The following RBFOX1 variants were observed in gnomAD, a reference collection of about 807,000 sequenced individuals.
RBFOX1 encodes RNA binding protein fox-1 homolog 1.
Under a neutral mutation model 57.7 loss-of-function variants are expected in RBFOX1, and 8 were observed. The ratio of observed to expected loss-of-function variants is 0.14; its 90% confidence interval spans 0.08 to 0.25. RBFOX1 has a LOEUF of 0.25. Among genes scored for constraint, RBFOX1 ranks in the 10% least tolerant of loss-of-function variants. The probability of loss-of-function intolerance (pLI) is 1.00; values close to 1 mark genes in which losing one functional copy is unlikely to be tolerated. For synonymous variants in RBFOX1, 326 were observed against 222.4 expected (o/e 1.47, Z -4.15); for missense variants, 611 against 548.5 (o/e 1.11, Z -1.14).
chr16:7,438,313 G>C (rs1171962101), intron 4 of RBFOX1, among the ~76,000 whole-genome samples: 1 of 152,158 alleles, frequency 6.6e-6, no homozygotes, highest in African/African-American at 2.4e-5. Flanking sequence ...GTGGATGTGA[G>C]GGGGTAAAGA....
intron 2 of RBFOX1, among the ~76,000 whole-genome samples, chr16:6,409,215 A>G (rs1257692729): frequency 6.6e-6 from 1 of 152,142 alleles, no homozygotes; most frequent in Non-Finnish European, 1.5e-5. Flanking sequence ...GGAGTTTGAG[A>G]CCAGTCTGGC....
At chr16:6,940,217 A>G (rs114204243) in intron 3 of RBFOX1, among the ~76,000 whole-genome samples, 1 of 152,020 alleles carries the variant, frequency 6.6e-6, no homozygotes, top group Non-Finnish European at 1.5e-5. Flanking sequence ...TAAATAAATA[A>G]ATAGGTACAG....
chr16:7,312,142 G>A (rs891214755), intron 4 of RBFOX1, among the ~76,000 whole-genome samples: 19 of 152,224 alleles, frequency 1.2e-4, no homozygotes, highest in African/African-American at 4.3e-4. Context: ...CACTTTAGGA[G>A]GCAGAGGCAG....
intron 3 of RBFOX1, among the ~76,000 whole-genome samples, chr16:5,822,491 C>T (rs1012812998): frequency 1.3e-5 from 2 of 152,036 alleles, no homozygotes; most frequent in African/African-American, 4.8e-5. Context: ...AGTGGGTTCT[C>T]ACTAATAATA....
At chr16:5,800,708 A>G (rs1207898824) in intron 3 of RBFOX1, among the ~76,000 whole-genome samples, 2 of 152,276 alleles carry the variant, frequency 1.3e-5, no homozygotes, top group East Asian at 3.9e-4. Context: ...TGCAGTCATT[A>G]TTACAGAGAG....
chr16:5,837,098 C>T (rs1261088526), intron 3 of RBFOX1, among the ~76,000 whole-genome samples: 1 of 152,110 alleles, frequency 6.6e-6, no homozygotes, highest in Non-Finnish European at 1.5e-5. Flanking sequence ...ATTCATAATT[C>T]TAGCCTCCTT....
chr16:5,327,801 T>C (rs946252985), intron 1 of RBFOX1, among the ~76,000 whole-genome samples: 1 of 152,222 alleles, frequency 6.6e-6, no homozygotes, highest in African/African-American at 2.4e-5. Flanking sequence ...ATTTTCCTGT[T>C]AGTACCCCTT....
At chr16:5,836,759 G>A (rs148905313) in intron 3 of RBFOX1, among the ~76,000 whole-genome samples, 9 of 152,242 alleles carry the variant, frequency 5.9e-5, no homozygotes, top group African/African-American at 1.7e-4. Flanking sequence ...CCCTCCTCAC[G>A]CCCAGTTGTG....
chr16:7,477,229 A>T (rs2062919389), intron 4 of RBFOX1, among the ~76,000 whole-genome samples: 2 of 152,222 alleles, frequency 1.3e-5, no homozygotes, highest in Admixed American at 1.3e-4. Flanking sequence ...TCAGGGTAGA[A>T]ATAAGACATC....
intron 1 of RBFOX1, among the ~76,000 whole-genome samples, chr16:5,426,717 C>G (rs1471401446): frequency 6.6e-6 from 1 of 152,132 alleles, no homozygotes; most frequent in Non-Finnish European, 1.5e-5. Flanking sequence ...TGTTATCGCT[C>G]CAGGGAAGAG....
At chr16:5,872,137 C>T (rs895305630) in intron 4 of RBFOX1, among the ~76,000 whole-genome samples, 20 of 152,138 alleles carry the variant, frequency 1.3e-4, no homozygotes, top group African/African-American at 4.3e-4. Flanking sequence ...GACACCAGTG[C>T]GTTTGAGAAA....
intron 3 of RBFOX1, chr16:6,773,886 A>G (rs2078883879): frequency 3.3e-6 from 3 of 908,540 alleles, no homozygotes; most frequent in Non-Finnish European, 3.9e-6. Context: ...GTCTGTGTGT[A>G]TTTGTGTGGG....
At position 6,859,149 on chromosome 16, in the gene RBFOX1, ATATG is replaced by A. The variant is rs1339667435; in HGVS notation, c.-15-192904_-15-192901del. Among the ~76,000 whole-genome samples, 7 of 93,374 alleles carry A rather than the reference ATATG, an allele frequency of 7.5e-5. 2 individuals are homozygous for A. Among genetic ancestry groups the A allele is most frequent in the African/African-American group, 2.8e-4 (6 of 21,502 alleles). The allele number at this position is 93,374 out of a possible 152,430, so 61.3% of individuals were successfully genotyped here. A position where few individuals can be genotyped will look rare whatever the true frequency, so the allele number is the denominator to read the frequency against. The stretch of plus-strand genomic sequence containing the variant: ...TATATACATATATATACGTATATAT[ATATG>A]TATATATATACGTATATATATGTAT... On this transcript the variant is annotated intron_variant, in intron 3 of 15. Transcript: ENST00000550418.
At chr16:7,185,901 T>C (rs2083636072) in intron 4 of RBFOX1, among the ~76,000 whole-genome samples, 1 of 152,180 alleles carries the variant, frequency 6.6e-6, no homozygotes, top group Non-Finnish European at 1.5e-5. Context: ...TCTTGAGCAA[T>C]GATACAATTC....
rs1192496608 is a variant in RBFOX1, at chr16:5,856,575, G to GTGTATATA, written c.319-10727_319-10726insGTATATAT. On this transcript the variant is annotated intron_variant, in intron 3 of 19. Coordinates refer to the RBFOX1 transcript ENST00000641259. ...TGTGTGTGTGTGTATGTGTGTGTGTGTATATATATATATATATATATATAT... is the reference window on the plus strand; with the variant it reads ...TGTGTGTGTGTGTATGTGTGTGTGTGTGTATATATATATATATATATATATATATATAT... Among the ~76,000 whole-genome samples, 180 of 32,896 alleles carry GTGTATATA rather than the reference G, an allele frequency of 5.5e-3. 5 individuals carry two copies. Among genetic ancestry groups the GTGTATATA allele is most frequent in the African/African-American group, 0.013 (100 of 7,938 alleles). The allele number at this position is 32,896 out of a possible 152,430, so 21.6% of individuals were successfully genotyped here.
chr16:7,578,345 C>T (rs1204311016), intron 5 of RBFOX1, among the ~76,000 whole-genome samples: 2 of 152,178 alleles, frequency 1.3e-5, no homozygotes, highest in African/African-American at 4.8e-5. Flanking sequence ...ATGACTTGCA[C>T]TTAAAAGCTG....
intron 4 of RBFOX1, among the ~76,000 whole-genome samples, chr16:7,171,075 G>C (rs1168184800): frequency 1.3e-5 from 2 of 152,038 alleles, no homozygotes; most frequent in African/African-American, 4.8e-5. Flanking sequence ...TTTCTTGTTG[G>C]AGGTCCAGCT....
In RBFOX1 at chr16:7,019,461, A is replaced by T. The variant is rs1224832755; in HGVS notation, c.-15-32596A>T. Among the ~76,000 whole-genome samples the T allele has an allele frequency of 2.0e-5, 3 of 152,040 alleles. No homozygotes were observed. In the East Asian group the frequency reaches 5.8e-4, roughly 29 times the overall value. On this transcript the variant is annotated intron_variant, in intron 3 of 15. Transcript: ENST00000550418. ...ATGCTGTTGTAGGTTTTGCTAAGAG[A>T]TTTTGTACTTTTTGTTAAGTTGTCA...
At chr16:6,778,436 C>T (rs1336818880) in intron 3 of RBFOX1, among the ~76,000 whole-genome samples, 1 of 152,118 alleles carries the variant, frequency 6.6e-6, no homozygotes, top group East Asian at 1.9e-4. Flanking sequence ...CCAGACATCA[C>T]ACATTTTATC....
Sources: gnomAD v4.1 joint callset for allele counts (sites outside exome capture counted in the v4.1 genomes callset) on GRCh38, gnomAD v4.1.1 for gene constraint, MANE v1.5 for transcripts, NCBI Gene and HGNC (gene_info 2026-07-23, HGNC 2026-07-21) for gene names.